The following TNFRSF8 variants were observed in gnomAD, a reference collection of about 807,000 sequenced individuals.
The protein encoded by TNFRSF8 is tumor necrosis factor receptor superfamily member 8.
A neutral mutation model predicts 70.8 loss-of-function variants in TNFRSF8; 26 were observed. That is an observed-to-expected ratio of 0.37 (90% CI 0.27 to 0.51). The LOEUF (loss-of-function observed/expected upper bound fraction) is 0.51. TNFRSF8 is among the 20% of genes least tolerant of loss of function. The pLI is 0.94. For synonymous variants in TNFRSF8, 356 were observed against 339.2 expected (o/e 1.05, Z -0.54); for missense variants, 720 against 807.9 (o/e 0.89, Z 1.32).
rs200282698 is a variant in TNFRSF8 at position 12,104,575 on chromosome 1, T to C, written c.421+44T>C. 2.6e-4 allele frequency: 412 copies of C among 1,611,548 alleles called. 3 individuals are homozygous for C. The East Asian group carries it at 5.1e-3, about 20-fold the overall frequency. On this transcript the variant is annotated intron_variant, in intron 4 of 14. Coordinates refer to ENST00000263932, the MANE Select transcript of TNFRSF8 (RefSeq NM_001243.5). ...AACTCAGGACAGAGATCTATGCTGT[T>C]GCTGCTGCACCTTCCGCCCACCCCA...
intron 2 of TNFRSF8, among the ~76,000 whole-genome samples, chr1:12,090,415 A>G (rs1188816567): frequency 6.9e-6 from 1 of 145,286 alleles, no homozygotes; most frequent in Non-Finnish European, 1.5e-5. Context: ...CCATCTACCC[A>G]TCTACCCACC....
chr1:12,110,226 G>A lies in TNFRSF8; in HGVS notation c.676+22G>A. ...CCAGGTAATTTCCCCATGAAGCTGTGGGTCGTCTCCCTGGGGTGCTCGATT... is the reference window on the plus strand; with the variant it reads ...CCAGGTAATTTCCCCATGAAGCTGTAGGTCGTCTCCCTGGGGTGCTCGATT... On this transcript the variant is annotated intron_variant, in intron 6 of 14. Coordinates refer to ENST00000263932, the MANE Select transcript of TNFRSF8 (RefSeq NM_001243.5). The surrounding 1 kb of genome is among the most constrained non-coding windows in gnomAD (Gnocchi z 4.0). 3.8e-6 allele frequency: 6 copies of A among 1,563,244 alleles called. No individual in the cohort carries two copies. The highest frequency in any genetic ancestry group is 5.2e-6 in the Non-Finnish European group (6 of 1,152,394).
intron 3 of TNFRSF8, among the ~76,000 whole-genome samples, chr1:12,102,969 A>C (rs1015888157): frequency 1.7e-4 from 26 of 152,044 alleles, no homozygotes; most frequent in African/African-American, 6.3e-4. Flanking sequence ...CATTTCCCTA[A>C]TGGCTAACGG....
At chr1:12,111,741 C>T (rs1480852203) in intron 6 of TNFRSF8, among the ~76,000 whole-genome samples, 157 bp from the exon 7 acceptor site, 1 of 152,206 alleles carries the variant, frequency 6.6e-6, no homozygotes, top group African/African-American at 2.4e-5. Context: ...TTCCTGTCCT[C>T]TCTGAGCCTC....
At chr1:12,081,031 G>T (rs1311890823) in intron 1 of TNFRSF8, among the ~76,000 whole-genome samples, 1 of 152,180 alleles carries the variant, frequency 6.6e-6, no homozygotes, top group Non-Finnish European at 1.5e-5. Context: ...TAGTGATCTG[G>T]CCCCAAAGAG....
intron 3 of TNFRSF8, among the ~76,000 whole-genome samples, chr1:12,100,421 CTT>C (rs1641401974): frequency 2.0e-5 from 3 of 150,598 alleles, no homozygotes; most frequent in African/African-American, 7.5e-5. Flanking sequence ...ACTTTATAAA[CTT>C]TAACTTTTTA....
intron 8 of TNFRSF8, 61 bp downstream of exon 8, chr1:12,115,790 C>A: frequency 6.4e-7 from 1 of 1,569,500 alleles, no homozygotes; most frequent in Non-Finnish European, 8.7e-7. Flanking sequence ...CACTGTTGTG[C>A]CTCTCCCCAC....
In TNFRSF8 at chr1:12,084,469, A is replaced by C. The variant is rs1557579374; in HGVS notation, c.69A>C (p.Arg23=). 3.7e-6 allele frequency: 6 copies of C among 1,613,342 alleles called. No homozygotes were observed. Among genetic ancestry groups the C allele is most frequent in the Non-Finnish European group, 5.1e-6 (6 of 1,179,776 alleles). Residue 23 remains arginine, a synonymous_variant, in exon 2 of 15, where the codon CGA becomes CGC. Coordinates refer to ENST00000263932, the MANE Select transcript of TNFRSF8 (RefSeq NM_001243.5). ...LGALRAFPQD[R]PFEDTCHGNP... ...CAGCTTTTCTGACCTGCCAGGATCGACCCTTCGAGGACACCTGTCATGGAA... is the reference window on the plus strand; with the variant it reads ...CAGCTTTTCTGACCTGCCAGGATCGCCCCTTCGAGGACACCTGTCATGGAA...
At chr1:12,098,167 T>G (rs555184889) in intron 3 of TNFRSF8, among the ~76,000 whole-genome samples, 1 of 152,308 alleles carries the variant, frequency 6.6e-6, no homozygotes, top group Non-Finnish European at 1.5e-5. Context: ...TTCCCTTAAT[T>G]TCACATTTGT....
chr1:12,121,267 G>C (rs1434164928), intron 8 of TNFRSF8, among the ~76,000 whole-genome samples: 1 of 152,232 alleles, frequency 6.6e-6, no homozygotes, highest in Non-Finnish European at 1.5e-5. Flanking sequence ...GGGTTCCTCA[G>C]AACCCTACAA....
intron 1 of TNFRSF8, among the ~76,000 whole-genome samples, chr1:12,076,473 T>G (rs983811681): frequency 2.6e-5 from 4 of 152,170 alleles, no homozygotes; most frequent in Non-Finnish European, 4.4e-5. Flanking sequence ...TCTTCAACTC[T>G]TACACAAAAA....
chr1:12,137,007 G>C (rs1227803233), intron 13 of TNFRSF8, among the ~76,000 whole-genome samples: 1 of 151,710 alleles, frequency 6.6e-6, no homozygotes, highest in Non-Finnish European at 1.5e-5. Flanking sequence ...GTGAACAAAG[G>C]TCTCTGGTTT....
intron 12 of TNFRSF8, among the ~76,000 whole-genome samples, chr1:12,126,876 A>G (rs1148475): frequency 0.77 from 116,644 of 152,234 alleles, 45,716 homozygotes; most frequent in African/African-American, 0.92. Flanking sequence ...CCTGCCTGCA[A>G]TCGGTGGCTG....
intron 12 of TNFRSF8, among the ~76,000 whole-genome samples, chr1:12,128,288 G>A (rs7515465): frequency 0.095 from 14,458 of 152,294 alleles, 781 homozygotes; most frequent in African/African-American, 0.13. Context: ...CGGGAGGGGA[G>A]TGTGCGCCCC....
intron 10 of TNFRSF8, 78 bp downstream of exon 10, chr1:12,123,905 G>GAAGCTCCCTCCT: frequency 7.7e-7 from 1 of 1,291,068 alleles, no homozygotes; most frequent in Non-Finnish European, 1.1e-6. Context: ...GGAGCCAGGA[G>GAAGCTCCCTCCT]GGAGCTTCTC....
intron 1 of TNFRSF8, chr1:12,080,502 C>A: frequency 4.0e-6 from 2 of 502,846 alleles, no homozygotes; most frequent in South Asian, 2.9e-5. Context: ...GCAGAGTGGT[C>A]GAGCTTGTTT....
chr1:12,141,123 CA>C lies in TNFRSF8; in HGVS notation c.1544-1162del, dbSNP rs1244091327. On this transcript the variant is annotated intron_variant, in intron 14 of 14. Coordinates refer to ENST00000263932, the MANE Select transcript of TNFRSF8 (RefSeq NM_001243.5). The surrounding 1 kb of genome is among the most constrained non-coding windows in gnomAD (Gnocchi z 5.4). ...CCAGAATAGAAGAACCAGCGTCATG[CA>C]ATAGGGTTGAGGGTGTGGGGGACTC... 1.3e-5 allele frequency among the ~76,000 whole-genome samples: 2 copies of C among 152,186 alleles called. No homozygotes were observed. Among genetic ancestry groups the C allele is most frequent in the African/African-American group, 4.8e-5 (2 of 41,440 alleles).
intron 1 of TNFRSF8, among the ~76,000 whole-genome samples, chr1:12,065,923 A>G (rs1448701238): frequency 6.6e-6 from 1 of 152,200 alleles, no homozygotes; most frequent in African/African-American, 2.4e-5. Context: ...AGAAGAGAAT[A>G]CTGAGGTTGC....
At position 12,110,094 on chromosome 1, in the gene TNFRSF8, C is replaced by G. The variant is rs1474736193; in HGVS notation, c.566C>G (p.Ala189Gly). The G allele has an allele frequency of 6.2e-7, 1 of 1,613,532 alleles. No homozygotes were observed. Among genetic ancestry groups the G allele is most frequent in the Admixed American group, 1.7e-5 (1 of 59,930 alleles). ...PTPVSPATSSASTMPVRGGTR... is the reference protein window; with the variant it reads ...PTPVSPATSSGSTMPVRGGTR... ...CCGGTGTCCCCAGCAACCTCCAGTG[C>G]CAGCACCATGCCTGTAAGAGGGGGC... The change falls in exon 6 of 15, where the codon GCC (alanine) becomes GGC (glycine). Residue 189 changes from alanine to glycine, a missense_variant. Physicochemically the swap from Ala to Gly is moderately conservative, Grantham distance 60 (BLOSUM62 0). Coordinates refer to ENST00000263932, the MANE Select transcript of TNFRSF8 (RefSeq NM_001243.5). This position sits in a 1 kb window ranked among gnomAD's most constrained non-coding sequence, Gnocchi z 4.0.
Sources: gnomAD v4.1 joint callset for allele counts (sites outside exome capture counted in the v4.1 genomes callset) on GRCh38, gnomAD v4.1.1 for gene constraint, Gnocchi (gnomAD v3.1) non-coding constraint, MANE v1.5 for transcripts, NCBI Gene and HGNC (gene_info 2026-07-23, HGNC 2026-07-21) for gene names.